The following MAP3K3 variants were observed in gnomAD, a reference collection of about 807,000 sequenced individuals.
The protein encoded by MAP3K3 is MAP/ERK kinase kinase 3.
MAP3K3 carries 12 observed loss-of-function variants against 80.9 expected under a neutral mutation model. The ratio of observed to expected loss-of-function variants is 0.15; its 90% CI spans 0.10 to 0.24. The LOEUF (loss-of-function observed/expected upper bound fraction) is 0.24, where lower values mean the gene tolerates loss of function less well. Ranked by LOEUF, MAP3K3 falls within the 10% of genes least tolerant of loss-of-function variation. MAP3K3 has a pLI of 1.00. For missense variants in MAP3K3, 596 were observed against 834.7 expected, an observed-to-expected ratio of 0.71 and a Z score of 3.52; for synonymous variants, 272 against 307.1, an observed-to-expected ratio of 0.89 and a Z score of 1.19.
At chr17:63,651,150 C>A (rs1489640372) in intron 3 of MAP3K3, among the ~76,000 whole-genome samples, 1 of 152,040 alleles carries the variant, frequency 6.6e-6, no homozygotes, top group Non-Finnish European at 1.5e-5. Context: ...AATGGTCGGC[C>A]ATCAGTAGTC....
intron 5 of MAP3K3, among the ~76,000 whole-genome samples, chr17:63,664,018 G>A (rs892070453): frequency 1.3e-5 from 2 of 151,918 alleles, no homozygotes; most frequent in African/African-American, 2.4e-5. Context: ...CGAGGCGGGC[G>A]GATCACGAGG....
Position 63,681,909 on chromosome 17 carries a change from G to C in MAP3K3, c.636+10G>C. On this transcript the variant is annotated intron_variant, in intron 7 of 15. Transcript: ENST00000361733. ...GACCAGCGAGCAGTGCGTGAGTATA[G>C]GGGGGCTGGGATATGCCTGTGGCCT... The C allele has an allele frequency of 1.4e-6, 2 of 1,398,310 alleles. No homozygotes were observed. Among genetic ancestry groups the C allele is most frequent in the Non-Finnish European group, 9.4e-7 (1 of 1,062,050 alleles). 86.6% of individuals were successfully genotyped at this position (1,398,310 alleles called of 1,614,324 possible). A position where few individuals can be genotyped will look rare whatever the true frequency, so the allele number is the denominator to read the frequency against.
At chr17:63,655,327 C>T (rs1320985059) in intron 4 of MAP3K3, among the ~76,000 whole-genome samples, 2 of 152,180 alleles carry the variant, frequency 1.3e-5, no homozygotes, top group African/African-American at 4.8e-5. Context: ...TGCCACAACA[C>T]ATGGGGATTA....
At chr17:63,675,865 C>T (rs909773159) in intron 6 of MAP3K3, among the ~76,000 whole-genome samples, 6 of 152,216 alleles carry the variant, frequency 3.9e-5, no homozygotes, top group Admixed American at 1.3e-4. Context: ...TAGCTCTGTG[C>T]TTTGGGCTGT....
chr17:63,662,400 G>GT (rs1215636653), intron 5 of MAP3K3, among the ~76,000 whole-genome samples: 4 of 151,982 alleles, frequency 2.6e-5, no homozygotes, highest in African/African-American at 9.7e-5. Context: ...GGGTGACAGA[G>GT]TAAGACCCTG....
At chr17:63,645,895 C>G (rs1238981578) in intron 2 of MAP3K3, 139 bp from the exon 3 acceptor site, 7 of 680,998 alleles carry the variant, frequency 1.0e-5, no homozygotes, top group Admixed American at 2.1e-5. Flanking sequence ...CCATGCCCAT[C>G]TGGGAAGAGA....
At position 63,693,524 on chromosome 17, in the gene MAP3K3, G is replaced by A. The variant is rs1237209122; in HGVS notation, c.1653-25G>A. 1.3e-6 allele frequency: 2 copies of A among 1,585,026 alleles called. No homozygotes were observed. The highest frequency in any genetic ancestry group is 1.7e-6 in the Non-Finnish European group (2 of 1,165,132). On this transcript the variant is annotated intron_variant, in intron 15 of 15. Transcript: ENST00000361733. This position sits in a 1 kb window ranked among gnomAD's most constrained non-coding sequence, Gnocchi z 4.2. Reference sequence around the variant, plus strand: ...CTGGGAGTCCAGGGCTGGCTGAGGGGTGACACGGGGTTCTCTCTTTCCAGG... The same window carrying A: ...CTGGGAGTCCAGGGCTGGCTGAGGGATGACACGGGGTTCTCTCTTTCCAGG...
chr17:63,691,705 G>A lies in MAP3K3; in HGVS notation c.1345-28G>A, dbSNP rs760915893. 6.2e-7 allele frequency: 1 copy of A among 1,606,712 alleles called. No homozygotes were observed. Among genetic ancestry groups the A allele is most frequent in the Admixed American group, 1.7e-5 (1 of 59,836 alleles). On this transcript the variant is annotated intron_variant, in intron 13 of 15. Coordinates refer to ENST00000361733, the MANE Select transcript of MAP3K3 (RefSeq NM_002401.5). The surrounding 1 kb of genome is among the most constrained non-coding windows in gnomAD (Gnocchi z 4.8). ...CCCTCCACCAGCCCTCCCCTGAGGG[G>A]ACTCCTCTGACTTCTTGTGGCCTCC... is the stretch of plus-strand genomic sequence containing the variant.
In MAP3K3 at chr17:63,650,850, C is replaced by T. The variant is rs200464376; in HGVS notation, c.168-1707C>T. On this transcript the variant is annotated intron_variant, in intron 3 of 15. Coordinates refer to ENST00000361733, the MANE Select transcript of MAP3K3 (RefSeq NM_002401.5). ...TAGACTATAAGCATGTACTATCACA[C>T]CTGGCTAATTTTTTAAAAAAATGTT... Among the ~76,000 whole-genome samples the T allele has an allele frequency of 1.6e-4, 24 of 152,062 alleles. No individual in the cohort carries two copies. The East Asian group carries it at 4.1e-3, about 26-fold the overall frequency.
At chr17:63,672,283 C>G (rs932609915) in intron 6 of MAP3K3, among the ~76,000 whole-genome samples, 1 of 46,576 alleles carries the variant, frequency 2.1e-5, no homozygotes, top group Non-Finnish European at 4.6e-5. Context: ...AACTCCATCT[C>G]AAAAAAAAAA....
At chr17:63,665,861 A>C (rs2034989706) in intron 5 of MAP3K3, among the ~76,000 whole-genome samples, 1 of 152,208 alleles carries the variant, frequency 6.6e-6, no homozygotes, top group South Asian at 2.1e-4. Flanking sequence ...CTCTCCCCTG[A>C]GAGCAGGAAA....
chr17:63,681,644 G>C (rs1284745006), intron 6 of MAP3K3, 122 bp from the exon 7 acceptor site: 1 of 880,470 alleles, frequency 1.1e-6, no homozygotes, highest in Non-Finnish European at 1.6e-6. Context: ...CTGGACGTTG[G>C]TGCCATGACC....
intron 8 of MAP3K3, chr17:63,688,270 G>A (rs564958504): frequency 3.6e-6 from 2 of 548,748 alleles, no homozygotes; most frequent in Admixed American, 3.1e-5. Flanking sequence ...CAAGGAGGGA[G>A]AGGGCTGTGC....
In MAP3K3 at chr17:63,633,065, TA is replaced by T. The variant is rs532340228; in HGVS notation, c.126+269del. 7.4e-3 allele frequency among the ~76,000 whole-genome samples: 1,122 copies of T among 151,958 alleles called. 17 individuals carry two copies. Among genetic ancestry groups the T allele is most frequent in the African/African-American group, 0.026 (1,078 of 41,430 alleles). ...CAACATGGTGAAACCCTGTCCCTACTAAAAAACACAAAATTAGCCAGGTGTG... is the reference window on the plus strand; with the variant it reads ...CAACATGGTGAAACCCTGTCCCTACTAAAAACACAAAATTAGCCAGGTGTG... On this transcript the variant is annotated intron_variant, in intron 2 of 15. Transcript: ENST00000361733.
chr17:63,672,813 A>G (rs2035138525), intron 6 of MAP3K3: 1 of 152,282 alleles, frequency 6.6e-6, no homozygotes, highest in African/African-American at 2.4e-5. Flanking sequence ...GACCAAGGGT[A>G]AGAGACAGAA....
intron 7 of MAP3K3, 49 bp downstream of exon 7, chr17:63,681,948 A>G (rs2035347234): frequency 7.6e-7 from 1 of 1,323,524 alleles, no homozygotes; most frequent in Non-Finnish European, 9.8e-7. Context: ...TCAGCAGACC[A>G]AGCTCATAAC....
intron 2 of MAP3K3, among the ~76,000 whole-genome samples, chr17:63,641,370 A>T (rs903324245): frequency 3.5e-4 from 53 of 151,540 alleles, no homozygotes; most frequent in African/African-American, 1.3e-3. Context: ...AGCCTCCCGA[A>T]TAGCTGGGAT....
At position 63,691,059 on chromosome 17, in the gene MAP3K3, C is replaced by G; in HGVS notation, c.1213-43C>G. 4 of 1,611,646 alleles carry G rather than the reference C, an allele frequency of 2.5e-6. No individual in the cohort carries two copies. Among genetic ancestry groups the G allele is most frequent in the Non-Finnish European group, 3.4e-6 (4 of 1,178,992 alleles). ...CTGAGCTGAACCCAGGCGGGCAGAA[C>G]TAGGGCCCTGAGAGCTGAGGCGACC... On this transcript the variant is annotated intron_variant, in intron 12 of 15. Transcript: ENST00000361733. This position sits in a 1 kb window ranked among gnomAD's most constrained non-coding sequence, Gnocchi z 4.8.
rs149543868 is a variant in MAP3K3, at chr17:63,679,139, G to A, written c.503-2627G>A. 1.7e-3 allele frequency among the ~76,000 whole-genome samples: 261 copies of A among 152,322 alleles called. 1 individual carries two copies. The highest frequency in any genetic ancestry group is 6.1e-3 in the African/African-American group (254 of 41,560). Reference sequence around the variant, plus strand: ...CCTCTGGCCAGGCATGGGGGCCCATGCCTTTAATCCCAGCACTTTGGGAGG... The same window carrying A: ...CCTCTGGCCAGGCATGGGGGCCCATACCTTTAATCCCAGCACTTTGGGAGG... On this transcript the variant is annotated intron_variant, in intron 6 of 15. Coordinates refer to ENST00000361733, the MANE Select transcript of MAP3K3 (RefSeq NM_002401.5).
Sources: gnomAD v4.1 joint callset for allele counts (sites outside exome capture counted in the v4.1 genomes callset) on GRCh38, gnomAD v4.1.1 for gene constraint, Gnocchi (gnomAD v3.1) non-coding constraint, MANE v1.5 for transcripts, NCBI Gene and HGNC (gene_info 2026-07-23, HGNC 2026-07-21) for gene names.